The following RABGAP1 variants were observed in gnomAD, a reference collection of about 807,000 sequenced individuals.
The protein encoded by RABGAP1 is rab GTPase-activating protein 1.
A neutral mutation model predicts 137.6 loss-of-function variants in RABGAP1; 23 were observed. The observed-to-expected ratio is 0.17, with a 90% confidence interval of 0.12 to 0.24. The LOEUF is 0.24. RABGAP1 is among the 10% of genes least tolerant of loss of function. The pLI is 1.00. For missense variants in RABGAP1, 906 were observed against 1,275.8 expected, an observed-to-expected ratio of 0.71 and a Z score of 4.42; for synonymous variants, 451 against 450.7, an observed-to-expected ratio of 1.00 and a Z score of -0.01.
At chr9:123,043,358 G>GT (rs2033044889) in intron 13 of RABGAP1, among the ~76,000 whole-genome samples, 1 of 152,078 alleles carries the variant, frequency 6.6e-6, no homozygotes, top group Admixed American at 6.5e-5. Context: ...GCACTAGGAG[G>GT]TATGTCTCTA....
intron 15 of RABGAP1, among the ~76,000 whole-genome samples, chr9:123,073,059 T>C (rs987186223): frequency 6.6e-6 from 1 of 152,214 alleles, no homozygotes; most frequent in African/African-American, 2.4e-5. Flanking sequence ...AAACAAGCTA[T>C]ATTTTTAACA....
intron 13 of RABGAP1, chr9:123,035,241 C>T: frequency 1.9e-6 from 3 of 1,614,192 alleles, no homozygotes; most frequent in Non-Finnish European, 2.5e-6. Context: ...CAAAGGATAT[C>T]AGCGAAAGGC....
upstream of RABGAP1, chr9:122,939,569 G>T (rs1043252558): frequency 6.6e-6 from 1 of 152,098 alleles, no homozygotes; most frequent in Non-Finnish European, 1.5e-5. Flanking sequence ...TACTGATTGT[G>T]TAGTACAATT....
chr9:123,097,900 T>G, intron 22 of RABGAP1, 55 bp downstream of exon 22: 1 of 1,475,990 alleles, frequency 6.8e-7, no homozygotes, highest in Non-Finnish European at 9.3e-7. Context: ...AACTGGGAGT[T>G]CAGCTGGTGG....
rs117437953 is a variant in RABGAP1, at chr9:123,048,877, G to A, written c.1795-16471G>A. Among the ~76,000 whole-genome samples, 48 of 152,298 alleles carry A rather than the reference G, an allele frequency of 3.2e-4. No individual in the cohort carries two copies. The East Asian group carries it at 8.1e-3, about 26-fold the overall frequency. On this transcript the variant is annotated intron_variant, in intron 13 of 25. Coordinates refer to ENST00000373647, the MANE Select transcript of RABGAP1 (RefSeq NM_012197.4). The stretch of plus-strand genomic sequence containing the variant: ...CAGGAAAAGGTTGACAGTGCAGTTA[G>A]CATTTATGTCTTATTTATACATGAT...
intron 13 of RABGAP1, chr9:123,034,304 G>A: frequency 1.7e-5 from 9 of 521,380 alleles, no homozygotes; most frequent in Non-Finnish European, 3.0e-5. Flanking sequence ...CTGGTGCTAT[G>A]TGTATGGTGA....
intron 13 of RABGAP1, among the ~76,000 whole-genome samples, chr9:123,055,546 CTT>C (rs930532167): frequency 6.6e-5 from 8 of 121,956 alleles, no homozygotes; most frequent in Admixed American, 1.6e-4. Context: ...ATTTCTTCTT[CTT>C]TTTTTTTTTT....
intron 2 of RABGAP1, among the ~76,000 whole-genome samples, chr9:122,960,629 G>GA (rs1834803826): frequency 6.6e-6 from 1 of 152,096 alleles, no homozygotes; most frequent in Non-Finnish European, 1.5e-5. Context: ...GACATTCAGA[G>GA]AAACAAGAAA....
At chr9:122,946,643 C>G (rs1050180844) in intron 1 of RABGAP1, among the ~76,000 whole-genome samples, 10 of 152,054 alleles carry the variant, frequency 6.6e-5, no homozygotes, top group African/African-American at 2.4e-4. Flanking sequence ...CTATTGTGGA[C>G]GTGGAATCCA....
chr9:122,978,106 A>G (rs1302693421), intron 2 of RABGAP1, among the ~76,000 whole-genome samples: 1 of 151,462 alleles, frequency 6.6e-6, no homozygotes, highest in East Asian at 1.9e-4. Flanking sequence ...GTCTCATGTA[A>G]CGACCAGCAC....
intron 10 of RABGAP1, among the ~76,000 whole-genome samples, chr9:123,004,331 A>T (rs1370876924): frequency 6.6e-6 from 1 of 151,804 alleles, no homozygotes; most frequent in Admixed American, 6.6e-5. Context: ...TCTGCAGCCC[A>T]GCCTGGAGTG....
chr9:123,076,817 T>A (rs2034525258), intron 19 of RABGAP1, 55 bp downstream of exon 19: 1 of 1,311,018 alleles, frequency 7.6e-7, no homozygotes, highest in Admixed American at 2.8e-5. Context: ...GTCTCACTAT[T>A]CCTGATCATT....
intron 13 of RABGAP1, among the ~76,000 whole-genome samples, chr9:123,053,670 T>G (rs151250817): frequency 2.6e-5 from 4 of 152,346 alleles, no homozygotes; most frequent in Non-Finnish European, 5.9e-5. Context: ...TTATTCTGTT[T>G]TCTTAACTGT....
intron 12 of RABGAP1, among the ~76,000 whole-genome samples, chr9:123,018,382 C>T (rs1242831003): frequency 6.6e-6 from 1 of 152,198 alleles, no homozygotes; most frequent in Non-Finnish European, 1.5e-5. Context: ...GTAAGGTTAG[C>T]AGGCTTTGTC....
At chr9:123,057,709 A>T (rs1412405520) in intron 13 of RABGAP1, among the ~76,000 whole-genome samples, 2 of 152,210 alleles carry the variant, frequency 1.3e-5, no homozygotes, top group African/African-American at 4.8e-5. Context: ...GGCAGCTGGT[A>T]GGTGGAGGTT....
In RABGAP1 at chr9:123,016,366, G is replaced by A. The variant is rs115526561; in HGVS notation, c.1643+730G>A. ...TACAAAAATTGAAAAAGTTAACTGG[G>A]CGTGGTGACGCACACCTGTGGTTCC... On this transcript the variant is annotated intron_variant, in intron 12 of 25. Coordinates refer to ENST00000373647, the MANE Select transcript of RABGAP1 (RefSeq NM_012197.4). Among the ~76,000 whole-genome samples, 337 of 152,184 alleles carry A rather than the reference G, an allele frequency of 2.2e-3. 1 individual carries two copies. The highest frequency in any genetic ancestry group is 7.6e-3 in the African/African-American group (317 of 41,520).
At chr9:122,956,874 A>G (rs527648906) in intron 1 of RABGAP1, 137 bp from the exon 2 acceptor site, 21 of 368,050 alleles carry the variant, frequency 5.7e-5, no homozygotes, top group South Asian at 4.4e-4. Flanking sequence ...ACCCTAAGCT[A>G]TAAGTAGTGA....
At chr9:123,015,324 A>G (rs549109344) in intron 11 of RABGAP1, among the ~76,000 whole-genome samples, 1 of 122,232 alleles carries the variant, frequency 8.2e-6, no homozygotes, top group East Asian at 2.3e-4. Context: ...TGACATAATT[A>G]TGGACCTATG....
chr9:122,995,789 G>A (rs747892791), intron 6 of RABGAP1, among the ~76,000 whole-genome samples: 5 of 151,984 alleles, frequency 3.3e-5, no homozygotes, highest in Non-Finnish European at 1.5e-5. Context: ...GGCTGGTCTC[G>A]AACTCCTGAC....
Sources: allele counts gnomAD v4.1 joint callset (sites outside exome capture counted in the v4.1 genomes callset), GRCh38; gene constraint gnomAD v4.1.1; transcripts MANE v1.5; gene names NCBI Gene and HGNC (gene_info 2026-07-23, HGNC 2026-07-21).